Variants in GKAP1 observed in about 807,000 individuals in gnomAD.
The protein encoded by GKAP1 is G kinase-anchoring protein 1.
GKAP1 carries 31 observed loss-of-function variants against 56.7 expected under a neutral mutation model. The observed-to-expected ratio is 0.55, with a 90% CI of 0.41 to 0.74. GKAP1 has a LOEUF of 0.74. GKAP1 is among the 30% of genes least tolerant of loss of function. The pLI is 0.00. For synonymous variants in GKAP1, 151 were observed against 138.6 expected (o/e 1.09, Z -0.63); for missense variants, 364 against 402.3 (o/e 0.90, Z 0.82).
intron 3 of GKAP1, among the ~76,000 whole-genome samples, chr9:83,805,275 C>G (rs573925538): frequency 2.0e-5 from 3 of 152,000 alleles, no homozygotes; most frequent in Admixed American, 1.3e-4. Context: ...GCAGCATGCT[C>G]GTTAAGAATC....
chr9:83,792,458 C>T (rs1272056027), intron 4 of GKAP1, among the ~76,000 whole-genome samples: 1 of 152,104 alleles, frequency 6.6e-6, no homozygotes, highest in Non-Finnish European at 1.5e-5. Flanking sequence ...CCATTGTAAT[C>T]TCAGACAGCA....
chr9:83,763,281 G>A (rs937768415), intron 8 of GKAP1, among the ~76,000 whole-genome samples: 1 of 152,160 alleles, frequency 6.6e-6, no homozygotes, highest in Non-Finnish European at 1.5e-5. Context: ...GTTACTAGAG[G>A]CTGGGAAACG....
At chr9:83,797,205 C>T (rs1412527211) in intron 4 of GKAP1, among the ~76,000 whole-genome samples, 1 of 152,154 alleles carries the variant, frequency 6.6e-6, no homozygotes, top group Non-Finnish European at 1.5e-5. Context: ...GAGTAGGAAA[C>T]TTTGTTCTTA....
In GKAP1 at chr9:83,741,983, T is replaced by C; in HGVS notation, c.1022A>G (p.Lys341Arg). The part of the protein sequence containing the change: ...AALEQERSKV[K>R]VLQAELAKYQ... ...TTTGGCTAACTCTGCTTGTAATACTTTCACTTTAGATCTTTCTTGTTCTAA... is the reference window on the plus strand; with the variant it reads ...TTTGGCTAACTCTGCTTGTAATACTCTCACTTTAGATCTTTCTTGTTCTAA... Residue 341 changes from lysine to arginine, a missense_variant, in exon 12 of 13, where the codon AAA (lysine) becomes AGA (arginine). Coordinates refer to ENST00000376371, the MANE Select transcript of GKAP1 (RefSeq NM_025211.4). 6.3e-7 allele frequency: 1 copy of C among 1,594,590 alleles called. No individual in the cohort carries two copies. Among genetic ancestry groups the C allele is most frequent in the South Asian group, 1.1e-5 (1 of 87,244 alleles).
chr9:83,759,436 T>C (rs1021407097), intron 8 of GKAP1, among the ~76,000 whole-genome samples: 1 of 152,064 alleles, frequency 6.6e-6, no homozygotes, highest in Non-Finnish European at 1.5e-5. Context: ...AATTTTTTTT[T>C]TGCAGAGACA....
At chr9:83,771,019 A>G (rs1417905632) in intron 7 of GKAP1, among the ~76,000 whole-genome samples, 1 of 152,222 alleles carries the variant, frequency 6.6e-6, no homozygotes. Flanking sequence ...TTATGAAGAC[A>G]GAGACTGAAG....
At chr9:83,742,711 ATACTTAAAGAATC>A (rs1305856309) in intron 10 of GKAP1, 111 bp from the exon 11 acceptor site, 1 of 580,284 alleles carries the variant, frequency 1.7e-6, no homozygotes, top group African/African-American at 1.8e-5. Context: ...ATTTCTTGTC[ATACTTAAAGAATC>A]TACTTCTTGA....
At chr9:83,816,742 G>A (rs1039518143) in intron 2 of GKAP1, among the ~76,000 whole-genome samples, 1 of 152,164 alleles carries the variant, frequency 6.6e-6, no homozygotes, top group Non-Finnish European at 1.5e-5. Context: ...TTCTTCTAAT[G>A]AAAGCACTTG....
chr9:83,743,199 T>C (rs1225670444), intron 10 of GKAP1, among the ~76,000 whole-genome samples: 2 of 152,034 alleles, frequency 1.3e-5, no homozygotes, highest in Non-Finnish European at 2.9e-5. Context: ...ACAAATATGG[T>C]GCAAGATTAA....
rs545557144 is a variant in GKAP1, at chr9:83,795,107, G to A, written c.360+4078C>T. 3.7e-4 allele frequency among the ~76,000 whole-genome samples: 50 copies of A among 133,790 alleles called. No homozygotes were observed. In the South Asian group the frequency reaches 0.013, roughly 33 times the overall value. 87.8% of individuals were successfully genotyped at this position (133,790 alleles called of 152,430 possible). A position where few individuals can be genotyped will look rare whatever the true frequency, so the allele number is the denominator to read the frequency against. On this transcript the variant is annotated intron_variant, in intron 4 of 12. Transcript: ENST00000376371. ...GGAGGCGGAGGTCACAGTGAGCCGA[G>A]ATTGTGCCACTGCACTCCAGTCTGG...
At chr9:83,774,990 AC>A (rs1943831996) in intron 7 of GKAP1, among the ~76,000 whole-genome samples, 1 of 145,340 alleles carries the variant, frequency 6.9e-6, no homozygotes. Flanking sequence ...TACAGGGGTG[AC>A]CCACCGCGCC....
chr9:83,790,646 A>C (rs967522412), intron 4 of GKAP1, among the ~76,000 whole-genome samples: 8 of 132,658 alleles, frequency 6.0e-5, no homozygotes, highest in East Asian at 2.5e-4. Context: ...CAAAACAAAA[A>C]AACAAACAAA....
In GKAP1 at chr9:83,787,109, TCA is replaced by T. The variant is rs1457256743; in HGVS notation, c.438+1490_438+1491del. On this transcript the variant is annotated intron_variant, in intron 5 of 12. Coordinates refer to ENST00000376371, the MANE Select transcript of GKAP1 (RefSeq NM_025211.4). Reference sequence around the variant, plus strand: ...GGTATGTAACAATAATGGTTACAGTTCATTCTTCGTTATTTGAGGTAACAGAA... The same window carrying T: ...GGTATGTAACAATAATGGTTACAGTTTTCTTCGTTATTTGAGGTAACAGAA... Among the ~76,000 whole-genome samples the T allele has an allele frequency of 2.0e-5, 3 of 152,244 alleles. No individual in the cohort carries two copies. In the East Asian group the frequency reaches 5.8e-4, roughly 29 times the overall value.
intron 6 of GKAP1, among the ~76,000 whole-genome samples, chr9:83,782,886 C>T (rs1944000314): frequency 6.6e-6 from 1 of 152,072 alleles, no homozygotes; most frequent in Non-Finnish European, 1.5e-5. Flanking sequence ...CCAGGCTGGG[C>T]TCGAACTCCT....
At chr9:83,774,046 C>A (rs995235079) in intron 7 of GKAP1, among the ~76,000 whole-genome samples, 26 of 151,844 alleles carry the variant, frequency 1.7e-4, no homozygotes, top group Non-Finnish European at 3.4e-4. Context: ...ATTTTTCTAT[C>A]TTTAGTAGAG....
intron 2 of GKAP1, among the ~76,000 whole-genome samples, chr9:83,816,304 A>AT (rs1365653428): frequency 2.0e-5 from 3 of 152,074 alleles, no homozygotes; most frequent in Non-Finnish European, 4.4e-5. Flanking sequence ...CCCAAACTCC[A>AT]TTTTTTTCTC....
At chr9:83,767,363 AT>A (rs940113643) in intron 8 of GKAP1, among the ~76,000 whole-genome samples, 322 of 144,696 alleles carry the variant, frequency 2.2e-3, no homozygotes, top group Middle Eastern at 0.011. Flanking sequence ...TCTGTCACAT[AT>A]TTTTTTTTTT....
chr9:83,750,370 G>A (rs996256998), intron 9 of GKAP1, among the ~76,000 whole-genome samples: 6 of 152,138 alleles, frequency 3.9e-5, no homozygotes, highest in African/African-American at 1.4e-4. Context: ...GTCTAAAAAA[G>A]TAGCCATTTA....
intron 3 of GKAP1, among the ~76,000 whole-genome samples, chr9:83,804,255 C>G (rs1424987635): frequency 3.8e-4 from 43 of 114,602 alleles, no homozygotes; most frequent in Middle Eastern, 6.3e-3. Context: ...AGGTGGGGGG[C>G]TCAGCCCCCC....
Sources: gnomAD v4.1 joint callset for allele counts (sites outside exome capture counted in the v4.1 genomes callset) on GRCh38, gnomAD v4.1.1 for gene constraint, MANE v1.5 for transcripts, NCBI Gene and HGNC (gene_info 2026-07-23, HGNC 2026-07-21) for gene names.